Variants in TOX3 observed in about 807,000 individuals in gnomAD.
TOX3 encodes TOX high mobility group box family member 3, also known as CAG trinucleotide repeat-containing gene F9 protein.
In TOX3, 22 loss-of-function variants were observed where a neutral mutation model predicts 64.3. The ratio of observed to expected loss-of-function variants is 0.34; its 90% CI spans 0.24 to 0.49. TOX3 has a LOEUF of 0.49. Ranked by LOEUF, TOX3 falls within the 20% of genes least tolerant of loss-of-function variation. TOX3 has a pLI of 0.99. For synonymous variants in TOX3, 291 were observed against 273.6 expected (o/e 1.06, Z -0.63); for missense variants, 661 against 714.4 (o/e 0.93, Z 0.85).
At chr16:52,528,408 G>GT (rs564726643) in intron 1 of TOX3, among the ~76,000 whole-genome samples, 628 of 148,436 alleles carry the variant, frequency 4.2e-3, no homozygotes, top group African/African-American at 0.013. Flanking sequence ...GACTTGATCT[G>GT]TTTTTTTTTT....
At chr16:52,499,857 T>A (rs1309621395) in intron 1 of TOX3, among the ~76,000 whole-genome samples, 2 of 152,210 alleles carry the variant, frequency 1.3e-5, no homozygotes, top group African/African-American at 2.4e-5. Flanking sequence ...AAGCTCTTTA[T>A]AAAAGCTCTT....
rs972047967 is a variant in TOX3 at position 52,436,937 on chromosome 16, ATC to A, written c.*2286_*2287del. ...TAGTTTAGCAATTAATTTTGAAGAC[ATC>A]TGTCTAAAGGTTTCACAACAGAATA... On this transcript the variant is annotated 3_prime_UTR_variant, in exon 7 of 7. Transcript: ENST00000219746. 1 of 152,262 alleles carries A rather than the reference ATC, an allele frequency of 6.6e-6. No individual in the cohort carries two copies. The highest frequency in any genetic ancestry group is 2.4e-5 in the African/African-American group (1 of 41,482). 9.4% of individuals were successfully genotyped at this position (152,262 alleles called of 1,614,324 possible).
intron 3 of TOX3, 150 bp downstream of exon 3, chr16:52,463,784 A>T: frequency 1.1e-6 from 1 of 907,226 alleles, no homozygotes; most frequent in Non-Finnish European, 1.5e-6. Flanking sequence ...GTTCAATACC[A>T]GGCAGCGATC....
rs1960300497 is a variant in TOX3, at chr16:52,450,429, T to C, written c.526A>G (p.Thr176Ala). 19 of 1,613,862 alleles carry C rather than the reference T, an allele frequency of 1.2e-5. No individual in the cohort carries two copies. The highest frequency in any genetic ancestry group is 1.6e-5 in the Non-Finnish European group (19 of 1,179,844). Residue 176 changes from threonine to alanine, a missense_variant, in exon 4 of 7, where the codon ACC becomes GCC. Thr to Ala is a moderately conservative substitution (Grantham distance 58). This residue lies in a region of TOX3 where 259 missense variants were observed against 261.2 expected (regional missense o/e 0.99). Coordinates refer to ENST00000219746, the MANE Select transcript of TOX3 (RefSeq NM_001080430.4). ...SGVMPPAQLT[T>A]INQSQLSAQL... is the part of the protein sequence containing the mutation. ...GCGCTGAGCTGAGACTGGTTGATGG[T>C]GGTGAGCTGGGCAGGAGGCATGACC...
chr16:52,463,801 C>A, intron 3 of TOX3, 133 bp downstream of exon 3: 1 of 1,118,842 alleles, frequency 8.9e-7, no homozygotes, highest in East Asian at 2.9e-5. Context: ...GATCCAGTAC[C>A]TGCATGTAAA....
chr16:52,470,846 T>A (rs1961021284), intron 1 of TOX3, among the ~76,000 whole-genome samples: 1 of 152,184 alleles, frequency 6.6e-6, no homozygotes, highest in Non-Finnish European at 1.5e-5. Flanking sequence ...TTTGTATCTA[T>A]AGAAGGCCTT....
At chr16:52,448,606 G>T (rs951412497) in intron 4 of TOX3, among the ~76,000 whole-genome samples, 35 of 152,078 alleles carry the variant, frequency 2.3e-4, no homozygotes, top group African/African-American at 8.0e-4. Context: ...CCTTCATCTT[G>T]AAACCCCTTC....
At position 52,503,113 on chromosome 16, in the gene TOX3, A is replaced by G. The variant is rs1962048528; in HGVS notation, c.88-34539T>C. Among the ~76,000 whole-genome samples the G allele has an allele frequency of 2.6e-5, 4 of 152,210 alleles. No homozygotes were observed. In the South Asian group the frequency reaches 8.3e-4, roughly 32 times the overall value. On this transcript the variant is annotated intron_variant, in intron 1 of 6. Coordinates refer to ENST00000219746, the MANE Select transcript of TOX3 (RefSeq NM_001080430.4). ...TTGCTGAAACTTGGTTTAAATTATTATTAGTATCTACCTTTTTTTAAAAGA... is the reference window on the plus strand; with the variant it reads ...TTGCTGAAACTTGGTTTAAATTATTGTTAGTATCTACCTTTTTTTAAAAGA...
At chr16:52,450,651 G>A in intron 3 of TOX3, 105 bp from the exon 4 acceptor site, 2 of 1,405,796 alleles carry the variant, frequency 1.4e-6, no homozygotes, top group Admixed American at 3.8e-5. Flanking sequence ...TTGCAATGTT[G>A]ATAGGTCTGA....
At chr16:52,478,102 T>C (rs914721967) in intron 1 of TOX3, among the ~76,000 whole-genome samples, 2 of 152,248 alleles carry the variant, frequency 1.3e-5, no homozygotes, top group Non-Finnish European at 2.9e-5. Flanking sequence ...CAAACTGCTA[T>C]AGCTTATATG....
At chr16:52,523,488 A>T (rs1215834952) in intron 1 of TOX3, among the ~76,000 whole-genome samples, 1 of 152,150 alleles carries the variant, frequency 6.6e-6, no homozygotes, top group East Asian at 1.9e-4. Context: ...TTGACTTGTT[A>T]TTCAAGGAGG....
chr16:52,459,448 C>T (rs897146648), intron 3 of TOX3, among the ~76,000 whole-genome samples: 2 of 152,118 alleles, frequency 1.3e-5, no homozygotes, highest in Non-Finnish European at 2.9e-5. Flanking sequence ...TTATTCCATT[C>T]AATGTGTATT....
Position 52,439,112 on chromosome 16 carries a change from T to C in TOX3, c.*113A>G. On this transcript the variant is annotated 3_prime_UTR_variant, in exon 7 of 7. Transcript: ENST00000219746. ...ATAGACACTTGAGAGGACCGTTTGA[T>C]CTGTTACACATTTCTGCATAACCAA... The C allele has an allele frequency of 6.8e-7, 1 of 1,480,442 alleles. No homozygotes were observed. The highest frequency in any genetic ancestry group is 9.2e-7 in the Non-Finnish European group (1 of 1,083,988). 91.7% of individuals were successfully genotyped at this position (1,480,442 alleles called of 1,614,324 possible). A position where few individuals can be genotyped will look rare whatever the true frequency, so the allele number is the denominator to read the frequency against.
chr16:52,527,241 G>A (rs1048969197), intron 1 of TOX3, among the ~76,000 whole-genome samples: 5 of 152,262 alleles, frequency 3.3e-5, no homozygotes, highest in African/African-American at 4.8e-5. Context: ...ACAAAATAAT[G>A]AGCCAGAGTG....
chr16:52,519,662 G>T, intron 1 of TOX3: 6 of 1,296,608 alleles, frequency 4.6e-6, no homozygotes, highest in Non-Finnish European at 6.0e-6. Context: ...TACCAAGCAA[G>T]AAGTAGTAGA....
intron 2 of TOX3, among the ~76,000 whole-genome samples, chr16:52,466,662 A>T (rs977780341): frequency 6.6e-6 from 1 of 152,202 alleles, no homozygotes; most frequent in Non-Finnish European, 1.5e-5. Flanking sequence ...ATTTTTGTTC[A>T]GGAACAGAGA....
intron 3 of TOX3, among the ~76,000 whole-genome samples, chr16:52,458,281 C>T (rs1184124740): frequency 6.6e-6 from 1 of 152,108 alleles, no homozygotes. Context: ...CCAAGGAGCA[C>T]TTGCCTTCCT....
At chr16:52,517,799 A>T (rs1037784063) in intron 1 of TOX3, among the ~76,000 whole-genome samples, 2 of 152,204 alleles carry the variant, frequency 1.3e-5, no homozygotes, top group African/African-American at 4.8e-5. Context: ...AATATAAACC[A>T]GTTTAAAAGT....
intron 1 of TOX3, among the ~76,000 whole-genome samples, chr16:52,501,348 C>A (rs1325256187): frequency 6.6e-6 from 1 of 152,072 alleles, no homozygotes; most frequent in African/African-American, 2.4e-5. Context: ...TCAGAACATA[C>A]CAAAAATTAT....
Sources: gnomAD v4.1 joint callset for allele counts (sites outside exome capture counted in the v4.1 genomes callset) on GRCh38, gnomAD v4.1.1 for gene constraint, gnomAD v4.1.1 regional missense constraint, MANE v1.5 for transcripts, NCBI Gene and HGNC (gene_info 2026-07-23, HGNC 2026-07-21) for gene names.